The following NRXN3 variants were observed in gnomAD, a reference collection of about 807,000 sequenced individuals.
The protein encoded by NRXN3 is neurexin 3.
In NRXN3, 32 loss-of-function variants were observed where a neutral mutation model predicts 137.6. The observed-to-expected ratio is 0.23, with a 90% CI of 0.18 to 0.31. The LOEUF (loss-of-function observed/expected upper bound fraction) is 0.31, where lower values mean the gene tolerates loss of function less well. Among genes scored for constraint, NRXN3 ranks in the 10% least tolerant of loss-of-function variants. The pLI is 1.00. For missense variants in NRXN3, 1,574 were observed against 2,062.5 expected (o/e 0.76, Z 4.59); for synonymous variants, 798 against 784.5 (o/e 1.02, Z -0.29).
intron 15 of NRXN3, among the ~76,000 whole-genome samples, chr14:79,222,138 GC>G (rs1200543371): frequency 6.6e-6 from 1 of 152,144 alleles, no homozygotes; most frequent in Non-Finnish European, 1.5e-5. Context: ...CCAGTACCAT[GC>G]TGTTTTGGTT....
At chr14:78,913,648 A>G (rs1366654071) in intron 10 of NRXN3, among the ~76,000 whole-genome samples, 1 of 152,120 alleles carries the variant, frequency 6.6e-6, no homozygotes. Context: ...AAATGTTCAT[A>G]TTCGTTGGCA....
chr14:79,420,858 A>G (rs2095566106), intron 15 of NRXN3, among the ~76,000 whole-genome samples: 1 of 152,166 alleles, frequency 6.6e-6, no homozygotes, highest in African/African-American at 2.4e-5. Flanking sequence ...TGGTAGTAGA[A>G]CTAATAGCAG....
At chr14:79,721,499 C>T (rs566386803) in intron 19 of NRXN3, among the ~76,000 whole-genome samples, 26 of 152,176 alleles carry the variant, frequency 1.7e-4, no homozygotes, top group African/African-American at 5.1e-4. Flanking sequence ...TCTTTTGCTT[C>T]GATAGGCTCT....
intron 4 of NRXN3, 105 bp from the exon 5 acceptor site, chr14:78,645,015 A>G: frequency 3.0e-6 from 3 of 999,784 alleles, no homozygotes; most frequent in East Asian, 2.6e-5. Flanking sequence ...TGGTATCAGC[A>G]CAAGAACGGG....
intron 16 of NRXN3, among the ~76,000 whole-genome samples, chr14:79,661,109 C>T (rs549011040): frequency 6.6e-6 from 1 of 152,068 alleles, no homozygotes; most frequent in South Asian, 2.1e-4. Flanking sequence ...AAAAAGAACC[C>T]ATAATCAGGT....
chr14:78,651,052 A>G (rs534662557), intron 5 of NRXN3, 113 bp from the exon 6 acceptor site: 2 of 992,552 alleles, frequency 2.0e-6, no homozygotes, highest in East Asian at 2.6e-5. Flanking sequence ...TAGAAAGTAT[A>G]TCTCATGAAA....
chr14:79,518,231 A>G (rs1009785984), intron 16 of NRXN3, among the ~76,000 whole-genome samples: 1 of 152,006 alleles, frequency 6.6e-6, no homozygotes, highest in African/African-American at 2.4e-5. Flanking sequence ...TTTTTTATAG[A>G]AGCATTAGAG....
intron 3 of NRXN3, among the ~76,000 whole-genome samples, chr14:78,282,682 C>T (rs66555338): frequency 0.029 from 4,385 of 152,290 alleles, 82 homozygotes; most frequent in African/African-American, 0.048. Flanking sequence ...TTCCCCTACC[C>T]GCTCTTGATC....
chr14:79,644,390 G>A (rs1350647809), intron 16 of NRXN3, among the ~76,000 whole-genome samples: 1 of 135,790 alleles, frequency 7.4e-6, no homozygotes, highest in East Asian at 2.0e-4. Flanking sequence ...AAGGTTTGGG[G>A]ATGCATATAA....
chr14:79,687,278 C>T (rs1013029199), intron 17 of NRXN3, among the ~76,000 whole-genome samples: 1 of 152,152 alleles, frequency 6.6e-6, no homozygotes, highest in African/African-American at 2.4e-5. Context: ...GTGTGCAACA[C>T]CTCCCTCTCT....
chr14:79,025,243 C>T (rs1252704357), intron 15 of NRXN3, among the ~76,000 whole-genome samples: 1 of 152,032 alleles, frequency 6.6e-6, no homozygotes. Flanking sequence ...CTCCAGACTC[C>T]AAATACCTTC....
intron 4 of NRXN3, among the ~76,000 whole-genome samples, chr14:78,386,811 C>T (rs1431810813): frequency 6.6e-6 from 1 of 151,642 alleles, no homozygotes; most frequent in African/African-American, 2.4e-5. Context: ...GATGGAGTCT[C>T]ACTCTATTGC....
intron 15 of NRXN3, among the ~76,000 whole-genome samples, chr14:79,443,922 T>C (rs767543452): frequency 3.3e-5 from 5 of 151,896 alleles, no homozygotes; most frequent in Admixed American, 6.6e-5. Flanking sequence ...GGCAGTGGAG[T>C]GTTTTATGTA....
chr14:78,378,424 G>T lies in NRXN3; in HGVS notation c.757+80564G>T, dbSNP rs151294971. ...CGCTTGAACCCGGGACGTGGATGTT[G>T]CAGAGAGCCAAGATCGTGCCATTGC... On this transcript the variant is annotated intron_variant, in intron 4 of 20. Transcript: ENST00000335750. 6.5e-4 allele frequency among the ~76,000 whole-genome samples: 97 copies of T among 150,190 alleles called. No homozygotes were observed. In the East Asian group the frequency reaches 0.017, roughly 26 times the overall value.
intron 17 of NRXN3, among the ~76,000 whole-genome samples, chr14:79,671,536 TTC>T (rs984549508): frequency 1.3e-5 from 2 of 152,124 alleles, no homozygotes; most frequent in African/African-American, 4.8e-5. Flanking sequence ...TTGTTTTACC[TTC>T]TAGTGCCATA....
At chr14:79,580,309 T>C (rs1306118545) in intron 16 of NRXN3, among the ~76,000 whole-genome samples, 1 of 152,182 alleles carries the variant, frequency 6.6e-6, no homozygotes, top group East Asian at 1.9e-4. Flanking sequence ...AAAAATTCAA[T>C]AGTGGGATTG....
chr14:78,178,564 G>A (rs565075942), intron 1 of NRXN3, among the ~76,000 whole-genome samples: 38 of 152,240 alleles, frequency 2.5e-4, no homozygotes, highest in Admixed American at 7.8e-4. Flanking sequence ...TTGCTGTGTC[G>A]CCCTAAACCT....
intron 4 of NRXN3, among the ~76,000 whole-genome samples, chr14:78,541,842 C>A (rs1376895051): frequency 6.6e-6 from 1 of 152,162 alleles, no homozygotes; most frequent in Non-Finnish European, 1.5e-5. Context: ...CTATTCTTTT[C>A]TGTTTGTTAG....
At chr14:79,789,452 G>T (rs2099138758) in intron 19 of NRXN3, among the ~76,000 whole-genome samples, 1 of 152,116 alleles carries the variant, frequency 6.6e-6, no homozygotes, top group Non-Finnish European at 1.5e-5. Context: ...AGGGTACAGT[G>T]AAAGCAAGTT....
Sources: allele counts gnomAD v4.1 joint callset (sites outside exome capture counted in the v4.1 genomes callset), GRCh38; gene constraint gnomAD v4.1.1; transcripts MANE v1.5; gene names NCBI Gene and HGNC (gene_info 2026-07-23, HGNC 2026-07-21).